ST8SIA2: variants seen among roughly 807,000 people sequenced by gnomAD.
ST8SIA2 encodes alpha-2,8-sialyltransferase 8B.
ST8SIA2 carries 22 observed loss-of-function variants against 37.6 expected under a neutral mutation model. That is an observed-to-expected ratio of 0.58 (90% CI 0.42 to 0.83). The LOEUF is 0.83. Ranked by LOEUF, ST8SIA2 falls within the 40% of genes least tolerant of loss-of-function variation. The probability of loss-of-function intolerance (pLI) is 0.00; values close to 1 mark genes in which losing one functional copy is unlikely to be tolerated. For synonymous variants in ST8SIA2, 205 were observed against 201.2 expected (o/e 1.02, Z -0.16); for missense variants, 382 against 484.7 (o/e 0.79, Z 1.99).
At chr15:92,448,375 T>C (rs1055303960) in intron 5 of ST8SIA2, among the ~76,000 whole-genome samples, 3 of 152,214 alleles carry the variant, frequency 2.0e-5, no homozygotes, top group African/African-American at 7.2e-5. Flanking sequence ...CTTGCCTTGG[T>C]GGGACCTTAC....
intron 1 of ST8SIA2, among the ~76,000 whole-genome samples, chr15:92,424,489 G>C (rs2049660337): frequency 6.6e-6 from 1 of 152,204 alleles, no homozygotes; most frequent in South Asian, 2.1e-4. Context: ...AATAGATCCA[G>C]CTGTGTGTGG....
At chr15:92,428,673 A>G (rs2049693909) in intron 1 of ST8SIA2, among the ~76,000 whole-genome samples, 1 of 152,230 alleles carries the variant, frequency 6.6e-6, no homozygotes, top group Admixed American at 6.5e-5. Flanking sequence ...GATATTTCCA[A>G]GGGGAAATGG....
intron 1 of ST8SIA2, among the ~76,000 whole-genome samples, chr15:92,406,892 G>T (rs1027636858): frequency 1.1e-4 from 16 of 151,732 alleles, no homozygotes; most frequent in African/African-American, 3.6e-4. Flanking sequence ...TACTCAGGAG[G>T]CTGAAGCAGG....
chr15:92,452,641 C>T (rs935022051), intron 5 of ST8SIA2, among the ~76,000 whole-genome samples: 3 of 152,206 alleles, frequency 2.0e-5, no homozygotes, highest in African/African-American at 7.2e-5. Context: ...GCACACTGTT[C>T]TGATGTTCCT....
intron 3 of ST8SIA2, among the ~76,000 whole-genome samples, chr15:92,438,091 C>T (rs1011758480): frequency 6.6e-6 from 1 of 152,176 alleles, no homozygotes; most frequent in African/African-American, 2.4e-5. Flanking sequence ...TGGAGTGATT[C>T]CACAGGGCAG....
At chr15:92,408,745 G>A (rs62020978) in intron 1 of ST8SIA2, among the ~76,000 whole-genome samples, 50,145 of 150,356 alleles carry the variant, frequency 0.33, 9,568 homozygotes, top group Non-Finnish European at 0.42. Context: ...TCACTCTGTC[G>A]CCCAGGCTGG....
At chr15:92,443,122 A>T (rs2049814978) in intron 4 of ST8SIA2, among the ~76,000 whole-genome samples, 1 of 152,222 alleles carries the variant, frequency 6.6e-6, no homozygotes, top group African/African-American at 2.4e-5. Context: ...CCTTGCTTAA[A>T]GGGAGGATAA....
At chr15:92,438,712 G>A (rs1221896179) in intron 4 of ST8SIA2, 102 bp downstream of exon 4, 3 of 1,435,348 alleles carry the variant, frequency 2.1e-6, no homozygotes, top group Non-Finnish European at 2.7e-6. Flanking sequence ...AGAGGCCCTG[G>A]TGGAGTTAGC....
rs1171235146 is a variant in ST8SIA2 at position 92,467,755 on chromosome 15, G to A, written c.*3370G>A. 1 of 152,522 alleles carries A rather than the reference G, an allele frequency of 6.6e-6. No homozygotes were observed. The highest frequency in any genetic ancestry group is 1.5e-5 in the Non-Finnish European group (1 of 68,204). 9.4% of individuals were successfully genotyped at this position (152,522 alleles called of 1,614,324 possible). A position where few individuals can be genotyped will look rare whatever the true frequency, so the allele number is the denominator to read the frequency against. ...GCCTTACACTGGCGTCCTCTCCTGA[G>A]TCCCTCCGCACTCTCCATCAGCAAC... On this transcript the variant is annotated 3_prime_UTR_variant, in exon 6 of 6. Coordinates refer to ENST00000268164, the MANE Select transcript of ST8SIA2 (RefSeq NM_006011.4).
Position 92,418,867 on chromosome 15 carries a change from G to A in ST8SIA2, c.99-11182G>A, listed in dbSNP as rs185945868. On this transcript the variant is annotated intron_variant, in intron 1 of 5. Transcript: ENST00000268164. ...ATTTTATGCCATTTTAAATGAAGTC[G>A]TAAAGTGTTGTGAGGGGATGACGTA... Among the ~76,000 whole-genome samples, 726 of 152,274 alleles carry A rather than the reference G, an allele frequency of 4.8e-3. 4 individuals are homozygous for A. Among genetic ancestry groups the A allele is most frequent in the Middle Eastern group, 0.027 (8 of 294 alleles).
At chr15:92,441,415 A>C (rs1441352421) in intron 4 of ST8SIA2, among the ~76,000 whole-genome samples, 1 of 152,150 alleles carries the variant, frequency 6.6e-6, no homozygotes, top group Non-Finnish European at 1.5e-5. Context: ...CTGCTCGAGC[A>C]AGCGTCAGCT....
chr15:92,409,712 T>C (rs1165567341), intron 1 of ST8SIA2, among the ~76,000 whole-genome samples: 1 of 152,232 alleles, frequency 6.6e-6, no homozygotes, highest in Admixed American at 6.5e-5. Flanking sequence ...AATCTGCTCC[T>C]GATTAGGTGC....
At chr15:92,413,636 G>A (rs1006435289) in intron 1 of ST8SIA2, among the ~76,000 whole-genome samples, 1 of 152,174 alleles carries the variant, frequency 6.6e-6, no homozygotes, top group African/African-American at 2.4e-5. Flanking sequence ...TGTGTGCCAG[G>A]GTGCTTGACA....
intron 1 of ST8SIA2, among the ~76,000 whole-genome samples, chr15:92,417,337 G>A (rs1338752532): frequency 1.3e-5 from 2 of 152,188 alleles, no homozygotes; most frequent in Non-Finnish European, 2.9e-5. Context: ...TGGGGAAGGG[G>A]ACACATCAAA....
chr15:92,421,736 G>T (rs2049636007), intron 1 of ST8SIA2, among the ~76,000 whole-genome samples: 1 of 152,206 alleles, frequency 6.6e-6, no homozygotes, highest in Admixed American at 6.5e-5. Context: ...AAAGGTAGAA[G>T]GTAAGTTCCT....
At chr15:92,400,685 C>T (rs569620515) in intron 1 of ST8SIA2, among the ~76,000 whole-genome samples, 1 of 152,314 alleles carries the variant, frequency 6.6e-6, no homozygotes. Flanking sequence ...TGCCAAGCCT[C>T]TGCCGGCTGT....
intron 1 of ST8SIA2, among the ~76,000 whole-genome samples, chr15:92,402,994 G>A (rs1268516406): frequency 1.3e-5 from 2 of 152,214 alleles, no homozygotes; most frequent in African/African-American, 2.4e-5. Flanking sequence ...TGACAAGGAA[G>A]GGAAGGAGGG....
intron 5 of ST8SIA2, 61 bp from the exon 6 acceptor site, chr15:92,464,039 G>A: frequency 6.6e-6 from 10 of 1,510,790 alleles, no homozygotes; most frequent in Non-Finnish European, 8.8e-6. Flanking sequence ...TTGTCTTCCT[G>A]GAAAGGATGA....
At chr15:92,394,234 T>G in intron 1 of ST8SIA2, 72 bp downstream of exon 1, 1 of 1,300,714 alleles carries the variant, frequency 7.7e-7, no homozygotes, top group Non-Finnish European at 1.1e-6. Flanking sequence ...CTCTCCACCC[T>G]CCGACCCCCT....
Sources: gnomAD v4.1 joint callset for allele counts (sites outside exome capture counted in the v4.1 genomes callset) on GRCh38, gnomAD v4.1.1 for gene constraint, MANE v1.5 for transcripts, NCBI Gene and HGNC (gene_info 2026-07-23, HGNC 2026-07-21) for gene names.